Variants in SPTBN1 observed in about 807,000 individuals in gnomAD.
The protein encoded by SPTBN1 is spectrin beta chain, non-erythrocytic 1.
A neutral mutation model predicts 266.4 loss-of-function variants in SPTBN1; 32 were observed. The observed-to-expected ratio is 0.12, with a 90% CI of 0.09 to 0.16. SPTBN1 has a LOEUF of 0.16. Ranked by LOEUF, SPTBN1 falls within the 10% of genes least tolerant of loss-of-function variation. The probability of loss-of-function intolerance (pLI) is 1.00; values close to 1 mark genes in which losing one functional copy is unlikely to be tolerated. For missense variants in SPTBN1, 2,296 were observed against 3,067.1 expected (o/e 0.75, Z 5.94); for synonymous variants, 1,336 against 1,162.2 (o/e 1.15, Z -3.04).
In SPTBN1 at chr2:54,599,077, C is replaced by T. The variant is rs1676299805; in HGVS notation, c.149-15C>T. On this transcript the variant is annotated splice_polypyrimidine_tract_variant and intron_variant, in intron 2 of 35. Transcript: ENST00000356805. ...TCTGTGGTCAATGGTAAAACAAGTT[C>T]TTCTCTGCTTGCAGATGAGCGTGAA... The T allele has an allele frequency of 6.2e-7, 1 of 1,613,086 alleles. No individual in the cohort carries two copies. Among genetic ancestry groups the T allele is most frequent in the African/African-American group, 1.3e-5 (1 of 74,888 alleles).
intron 1 of SPTBN1, among the ~76,000 whole-genome samples, chr2:54,465,192 A>G (rs1693564728): frequency 6.6e-6 from 1 of 152,196 alleles, no homozygotes; most frequent in Non-Finnish European, 1.5e-5. Flanking sequence ...TCTTAAGGGT[A>G]TAGGTGTGAG....
chr2:54,522,975 T>C (rs1358557709), intron 1 of SPTBN1, among the ~76,000 whole-genome samples: 5 of 152,174 alleles, frequency 3.3e-5, no homozygotes, highest in African/African-American at 1.2e-4. Flanking sequence ...AAATTTTACT[T>C]TCTGTACTTT....
intron 2 of SPTBN1, among the ~76,000 whole-genome samples, chr2:54,555,532 C>T (rs781566972): frequency 1.3e-5 from 2 of 152,196 alleles, no homozygotes; most frequent in Admixed American, 6.5e-5. Flanking sequence ...TGGACTGTTG[C>T]ACTAACCACC....
intron 1 of SPTBN1, among the ~76,000 whole-genome samples, chr2:54,467,049 C>G (rs1278589699): frequency 6.6e-6 from 1 of 152,052 alleles, no homozygotes; most frequent in African/African-American, 2.4e-5. Context: ...GAATCAGCCA[C>G]TAATGGCCAC....
chr2:54,605,807 G>T (rs1278732359), intron 3 of SPTBN1, among the ~76,000 whole-genome samples: 1 of 152,164 alleles, frequency 6.6e-6, no homozygotes, highest in African/African-American at 2.4e-5. Flanking sequence ...ATCTCACCTT[G>T]CTGTATCTTG....
At chr2:54,479,473 CT>C (rs1479850001) in intron 1 of SPTBN1, among the ~76,000 whole-genome samples, 1 of 152,152 alleles carries the variant, frequency 6.6e-6, no homozygotes, top group African/African-American at 2.4e-5. Context: ...TGACTGTGGT[CT>C]TTGGTAGGTG....
chr2:54,614,103 G>T (rs1037956660), intron 4 of SPTBN1, among the ~76,000 whole-genome samples: 4 of 152,182 alleles, frequency 2.6e-5, no homozygotes, highest in African/African-American at 9.7e-5. Context: ...CTCCCTTTCT[G>T]TTGAGGTGAG....
At chr2:54,500,446 A>T (rs1436740050) in intron 1 of SPTBN1, among the ~76,000 whole-genome samples, 5 of 151,782 alleles carry the variant, frequency 3.3e-5, no homozygotes, top group East Asian at 1.9e-4. Flanking sequence ...GTGTCTGCTG[A>T]TGGTTTTATT....
At chr2:54,638,131 C>T (rs1164156471) in intron 18 of SPTBN1, among the ~76,000 whole-genome samples, 1 of 152,186 alleles carries the variant, frequency 6.6e-6, no homozygotes, top group Non-Finnish European at 1.5e-5. Context: ...GAGCGTGGTT[C>T]TTCCATCACT....
At chr2:54,661,781 C>T in intron 32 of SPTBN1, 1 of 985,372 alleles carries the variant, frequency 1.0e-6, no homozygotes, top group East Asian at 1.1e-4. Context: ...TCAGGACTGA[C>T]ACCCAATTTG....
intron 18 of SPTBN1, among the ~76,000 whole-genome samples, chr2:54,641,553 A>T (rs1329713566): frequency 6.6e-6 from 1 of 152,122 alleles, no homozygotes; most frequent in Non-Finnish European, 1.5e-5. Context: ...GCGTGCCTTT[A>T]TTGTCTAATA....
intron 29 of SPTBN1, among the ~76,000 whole-genome samples, chr2:54,657,243 C>T (rs1354856499): frequency 1.3e-5 from 2 of 152,196 alleles, no homozygotes; most frequent in Non-Finnish European, 2.9e-5. Context: ...TTCCCATATC[C>T]TTCCCTCCCT....
At chr2:54,600,271 A>G (rs937100768) in intron 3 of SPTBN1, among the ~76,000 whole-genome samples, 16 of 152,200 alleles carry the variant, frequency 1.1e-4, no homozygotes, top group Non-Finnish European at 2.1e-4. Flanking sequence ...AAATGGAGCC[A>G]GAAAAGTATT....
At chr2:54,585,617 T>C (rs2104595786) in intron 2 of SPTBN1, among the ~76,000 whole-genome samples, 1 of 152,358 alleles carries the variant, frequency 6.6e-6, no homozygotes, top group South Asian at 2.1e-4. Flanking sequence ...TTTTACATGT[T>C]AAGATATCTT....
intron 2 of SPTBN1, among the ~76,000 whole-genome samples, chr2:54,551,206 A>G (rs1672546776): frequency 6.6e-6 from 1 of 152,226 alleles, no homozygotes; most frequent in Non-Finnish European, 1.5e-5. Context: ...GATGGCTCTG[A>G]ACACCTGTGT....
intron 2 of SPTBN1, chr2:54,529,762 G>T: frequency 3.5e-6 from 2 of 566,986 alleles, no homozygotes; most frequent in South Asian, 1.4e-5. Flanking sequence ...ACTGGCTCCT[G>T]ATTATGATGC....
chr2:54,470,699 C>A (rs1338270473), intron 1 of SPTBN1, among the ~76,000 whole-genome samples: 1 of 152,118 alleles, frequency 6.6e-6, no homozygotes, highest in Non-Finnish European at 1.5e-5. Flanking sequence ...TTCACCAGAA[C>A]AGGGTGGCAT....
At chr2:54,667,681 A>C in intron 35 of SPTBN1, 35 bp downstream of exon 35, 1 of 1,595,302 alleles carries the variant, frequency 6.3e-7, no homozygotes, top group Non-Finnish European at 8.6e-7. Context: ...TCCACTACTT[A>C]GGAGTTTGCA....
intron 1 of SPTBN1, among the ~76,000 whole-genome samples, chr2:54,488,714 T>A (rs1668535729): frequency 1.3e-5 from 2 of 152,148 alleles, no homozygotes; most frequent in Admixed American, 1.3e-4. Context: ...TATTTTTGGC[T>A]GCAGAATAAC....
Sources: allele counts gnomAD v4.1 joint callset (sites outside exome capture counted in the v4.1 genomes callset), GRCh38; gene constraint gnomAD v4.1.1; transcripts MANE v1.5; gene names NCBI Gene and HGNC (gene_info 2026-07-23, HGNC 2026-07-21).